The following DLGAP2 variants were observed in gnomAD, a reference collection of about 807,000 sequenced individuals.
DLGAP2 encodes the protein DLG associated protein 2, also known as disks large-associated protein 2.
Under a neutral mutation model 100.3 loss-of-function variants are expected in DLGAP2, and 26 were observed. The ratio of observed to expected loss-of-function variants is 0.26; its 90% CI spans 0.19 to 0.36. DLGAP2 has a LOEUF of 0.36. DLGAP2 is among the 10% of genes least tolerant of loss of function. The pLI, the probability that DLGAP2 is intolerant of heterozygous loss-of-function variation, is 1.00. For missense variants in DLGAP2, 1,858 were observed against 1,453.2 expected, an observed-to-expected ratio of 1.28 and a Z score of -4.53; for synonymous variants, 886 against 630.1, an observed-to-expected ratio of 1.41 and a Z score of -6.08.
chr8:1,619,406 C>T (rs1797257729), intron 6 of DLGAP2, among the ~76,000 whole-genome samples: 1 of 152,234 alleles, frequency 6.6e-6, no homozygotes, highest in Admixed American at 6.5e-5. Context: ...CTGTGCCTTT[C>T]ACTGTCTATC....
In DLGAP2 at chr8:1,010,388, G is replaced by T. The variant is rs561194195; in HGVS notation, c.73+102422G>T. ...TCATTCTCACATGTGTGCACAGTCAGATATCACAGTTTTATACACACATAC... is the reference window on the plus strand; with the variant it reads ...TCATTCTCACATGTGTGCACAGTCATATATCACAGTTTTATACACACATAC... On this transcript the variant is annotated intron_variant, in intron 2 of 14. Transcript: ENST00000637795. Among the ~76,000 whole-genome samples, 12 of 150,976 alleles carry T rather than the reference G, an allele frequency of 7.9e-5. No individual in the cohort carries two copies. In the East Asian group the frequency reaches 2.0e-3, roughly 25 times the overall value.
intron 2 of DLGAP2, among the ~76,000 whole-genome samples, chr8:994,285 C>T (rs1304446906): frequency 6.6e-6 from 1 of 152,190 alleles, no homozygotes; most frequent in South Asian, 2.1e-4. Flanking sequence ...ACTGCAACCT[C>T]CACCTCCCAG....
At chr8:986,614 T>A in intron 2 of DLGAP2, among the ~76,000 whole-genome samples, 1 of 151,746 alleles carries the variant, frequency 6.6e-6, no homozygotes, top group East Asian at 1.9e-4. Context: ...AAAAGGAGAC[T>A]AATAATGTAT....
intron 1 of DLGAP2, among the ~76,000 whole-genome samples, chr8:755,999 G>A (rs1434502518): frequency 6.6e-5 from 10 of 152,218 alleles, no homozygotes; most frequent in Admixed American, 4.6e-4. Context: ...GCCCTGAGCC[G>A]CTAGGGTCCT....
chr8:1,590,203 G>A (rs900529849), intron 6 of DLGAP2, among the ~76,000 whole-genome samples: 1 of 152,076 alleles, frequency 6.6e-6, no homozygotes, highest in Non-Finnish European at 1.5e-5. Context: ...AACTCATTTC[G>A]TCTGCAGTGA....
chr8:781,953 G>A (rs1014493358), intron 1 of DLGAP2, among the ~76,000 whole-genome samples: 5 of 152,150 alleles, frequency 3.3e-5, no homozygotes, highest in African/African-American at 1.2e-4. Flanking sequence ...GAGAGAGGCT[G>A]ATTAATGGGT....
chr8:1,603,181 A>C (rs1208384397), intron 6 of DLGAP2, among the ~76,000 whole-genome samples: 6 of 142,372 alleles, frequency 4.2e-5, no homozygotes, highest in Non-Finnish European at 9.1e-5. Flanking sequence ...GGCTGGTTAG[A>C]GTGGAGGCTG....
intron 2 of DLGAP2, among the ~76,000 whole-genome samples, chr8:1,141,305 C>G (rs1796518659): frequency 6.6e-6 from 1 of 152,184 alleles, no homozygotes. Context: ...TTTTTAAATT[C>G]TGTAACTGGA....
intron 2 of DLGAP2, among the ~76,000 whole-genome samples, chr8:922,387 C>T (rs1349581069): frequency 2.0e-5 from 3 of 152,072 alleles, no homozygotes; most frequent in Admixed American, 6.6e-5. Flanking sequence ...TTTCTTATTT[C>T]GAGATGGAAG....
intron 3 of DLGAP2, among the ~76,000 whole-genome samples, chr8:1,268,864 C>A (rs562925848): frequency 5.3e-5 from 8 of 152,166 alleles, no homozygotes; most frequent in Non-Finnish European, 1.2e-4. Flanking sequence ...GACAAAGAAG[C>A]TTTTATTTGA....
chr8:1,041,813 TGTTCTCCGAGCTCCTTGCCGTGGGTCAGC>T (rs1180807091), intron 2 of DLGAP2, among the ~76,000 whole-genome samples: 5 of 151,022 alleles, frequency 3.3e-5, no homozygotes, highest in African/African-American at 9.8e-5. Context: ...CGTGGGTGAG[TGTTCTCCGAGCTCCTTGCCGTGGGTCAGC>T]GTTCTCCGAG....
intron 3 of DLGAP2, among the ~76,000 whole-genome samples, chr8:1,420,936 A>G (rs531428850): frequency 6.6e-6 from 1 of 152,022 alleles, no homozygotes; most frequent in East Asian, 1.9e-4. Context: ...TAATCATTCG[A>G]TTGGCTGTTT....
Position 1,549,537 on chromosome 8 carries a change from G to A in DLGAP2, c.1084G>A (p.Asp362Asn), listed in dbSNP as rs771775523. 2.1e-5 allele frequency: 34 copies of A among 1,613,366 alleles called. No individual in the cohort carries two copies. The highest frequency in any genetic ancestry group is 2.6e-5 in the Non-Finnish European group (31 of 1,179,856). ...CTGTGAGGGGTTGGCGCTGACGCCC[G>A]ACGCCAAGTACCTGAAGCGCAGCTC... ...SACEGLALTP[D>N]AKYLKRSSWS... Residue 362 changes from aspartate (D) to asparagine (N), a missense_variant, in exon 5 of 15, where the codon GAC (aspartate) becomes AAC (asparagine). Physicochemically the swap from Asp to Asn is conservative, Grantham distance 23. Transcript: ENST00000637795.
intron 1 of DLGAP2, among the ~76,000 whole-genome samples, chr8:756,308 T>G (rs956725513): frequency 6.6e-6 from 1 of 152,020 alleles, no homozygotes; most frequent in Non-Finnish European, 1.5e-5. Flanking sequence ...GGAGCAGGTG[T>G]GGGCAGGTTG....
chr8:737,805 A>T lies in DLGAP2; in HGVS notation c.-3A>T. The T allele has an allele frequency of 2.6e-6, 1 of 378,964 alleles. No individual in the cohort carries two copies. 23.5% of individuals were successfully genotyped at this position (378,964 alleles called of 1,614,324 possible). ...GCACCTGCTGAGCCCGGAGCGTCCGAGGATGTCCGCGCTGAGGAAGGTGCG... is the reference window on the plus strand; with the variant it reads ...GCACCTGCTGAGCCCGGAGCGTCCGTGGATGTCCGCGCTGAGGAAGGTGCG... On this transcript the variant is annotated 5_prime_UTR_variant, in exon 1 of 15. Transcript: ENST00000637795.
At chr8:1,287,691 TTCAGTGTGTG>T (rs1799970905) in intron 3 of DLGAP2, among the ~76,000 whole-genome samples, 1 of 107,558 alleles carries the variant, frequency 9.3e-6, no homozygotes, top group Admixed American at 1.0e-4. Flanking sequence ...CTAGTTTCGG[TTCAGTGTGTG>T]TGTGTGTGTG....
chr8:1,663,629 C>T (rs1007659458), intron 8 of DLGAP2, among the ~76,000 whole-genome samples: 12 of 152,220 alleles, frequency 7.9e-5, no homozygotes, highest in African/African-American at 2.4e-4. Flanking sequence ...CTTTCCCTTG[C>T]GCCCTGAGCG....
rs558200626 is a variant in DLGAP2, at chr8:753,275, C to T, written c.18+15450C>T. Among the ~76,000 whole-genome samples the T allele has an allele frequency of 7.2e-5, 11 of 152,266 alleles. No individual in the cohort carries two copies. The East Asian group carries it at 1.2e-3, about 16-fold the overall frequency. On this transcript the variant is annotated intron_variant, in intron 1 of 14. Transcript: ENST00000637795. ...TCACGGAACACAAACTTTACAAACG[C>T]GTCTTTGGAGGCTCACCAGTGCCGG...
Position 1,366,920 on chromosome 8 carries a change from C to T in DLGAP2, c.106+108037C>T, listed in dbSNP as rs766989469. Among the ~76,000 whole-genome samples the T allele has an allele frequency of 4.9e-4, 74 of 152,020 alleles. 1 individual carries two copies. The Middle Eastern group carries it at 0.01, about 21-fold the overall frequency. ...AACACACATGCATGTGACCACAGAC[C>T]CCGGTAAATAACACTGTTAGCATTT... On this transcript the variant is annotated intron_variant, in intron 3 of 14. Transcript: ENST00000637795.
Sources: gnomAD v4.1 joint callset for allele counts (sites outside exome capture counted in the v4.1 genomes callset) on GRCh38, gnomAD v4.1.1 for gene constraint, MANE v1.5 for transcripts, NCBI Gene and HGNC (gene_info 2026-07-23, HGNC 2026-07-21) for gene names.